ADGRD1: variants seen among roughly 807,000 people sequenced by gnomAD.
The protein encoded by ADGRD1 is G-protein coupled receptor 133.
In ADGRD1, 77 loss-of-function variants were observed where a neutral mutation model predicts 113.4. The ratio of observed to expected loss-of-function variants is 0.68; its 90% CI spans 0.57 to 0.82. ADGRD1 has a LOEUF of 0.82. Ranked by LOEUF, ADGRD1 falls within the 40% of genes least tolerant of loss-of-function variation. The pLI is 0.00. For missense variants in ADGRD1, 1,036 were observed against 1,139.1 expected (o/e 0.91, Z 1.30); for synonymous variants, 474 against 475.0 (o/e 1.00, Z 0.03).
chr12:131,106,677 G>A (rs902455299), intron 17 of ADGRD1, among the ~76,000 whole-genome samples: 1 of 152,144 alleles, frequency 6.6e-6, no homozygotes, highest in African/African-American at 2.4e-5. Flanking sequence ...CCTCCTCACT[G>A]CCCAGCAGAG....
At chr12:131,092,437 T>C (rs1273267779) in intron 15 of ADGRD1, among the ~76,000 whole-genome samples, 3 of 152,160 alleles carry the variant, frequency 2.0e-5, no homozygotes, top group Admixed American at 6.5e-5. Context: ...GCCCCCGATA[T>C]TGATAGACAG....
chr12:130,994,719 A>G (rs972451816), intron 8 of ADGRD1, among the ~76,000 whole-genome samples: 1 of 152,234 alleles, frequency 6.6e-6, no homozygotes, highest in Admixed American at 6.5e-5. Context: ...CCACAGTTGC[A>G]TGCTCATGAG....
At chr12:131,018,344 G>A (rs1034958266) in intron 13 of ADGRD1, among the ~76,000 whole-genome samples, 1 of 152,136 alleles carries the variant, frequency 6.6e-6, no homozygotes, top group Non-Finnish European at 1.5e-5. Flanking sequence ...GAGGGGCATC[G>A]GCTCGGGTTT....
intron 21 of ADGRD1, among the ~76,000 whole-genome samples, chr12:131,134,381 G>A (rs965980012): frequency 1.3e-5 from 2 of 152,220 alleles, no homozygotes; most frequent in East Asian, 3.8e-4. Context: ...AGTCCGCAGA[G>A]CTTCAGCTCA....
intron 14 of ADGRD1, among the ~76,000 whole-genome samples, chr12:131,081,358 T>C (rs1042411924): frequency 6.6e-6 from 1 of 152,244 alleles, no homozygotes; most frequent in African/African-American, 2.4e-5. Context: ...TTTAAAATGT[T>C]GTCTTTTTCT....
chr12:131,130,081 G>T (rs1480586350), intron 20 of ADGRD1, among the ~76,000 whole-genome samples: 2 of 152,244 alleles, frequency 1.3e-5, no homozygotes, highest in South Asian at 2.1e-4. Flanking sequence ...CGCTGCTCCC[G>T]CTTGCTGCTC....
rs1190177994 is a variant in ADGRD1 at position 131,084,841 on chromosome 12, T to C, written c.1671+178T>C. 6.6e-6 allele frequency among the ~76,000 whole-genome samples: 1 copy of C among 152,182 alleles called. No homozygotes were observed. Among genetic ancestry groups the C allele is most frequent in the African/African-American group, 2.4e-5 (1 of 41,440 alleles). On this transcript the variant is annotated intron_variant, in intron 15 of 24. Coordinates refer to ENST00000261654, the MANE Select transcript of ADGRD1 (RefSeq NM_198827.5). This position sits in a 1 kb window ranked among gnomAD's most constrained non-coding sequence, Gnocchi z 4.5. The stretch of plus-strand genomic sequence containing the variant: ...CTTCTGTAGTCCAGGGTCCTGCATG[T>C]ATTGGGTGCCAGCAAATATCCGAGG...
At chr12:131,095,672 A>G (rs1887230324) in intron 15 of ADGRD1, among the ~76,000 whole-genome samples, 1 of 152,218 alleles carries the variant, frequency 6.6e-6, no homozygotes, top group African/African-American at 2.4e-5. Context: ...TTTGCGGGGC[A>G]GCTGTGGGCT....
chr12:130,976,056 G>A (rs1872266328), intron 4 of ADGRD1, among the ~76,000 whole-genome samples: 1 of 152,180 alleles, frequency 6.6e-6, no homozygotes, highest in Non-Finnish European at 1.5e-5. Context: ...GAGCATCTCC[G>A]CACGGCCATT....
chr12:130,969,423 G>C, intron 3 of ADGRD1: 1 of 209,226 alleles, frequency 4.8e-6, no homozygotes, highest in South Asian at 8.2e-5. Flanking sequence ...TACCGCCCGA[G>C]CTCCACCTCC....
At chr12:131,077,856 C>A (rs1451407891) in intron 14 of ADGRD1, among the ~76,000 whole-genome samples, 1 of 152,232 alleles carries the variant, frequency 6.6e-6, no homozygotes, top group Non-Finnish European at 1.5e-5. Flanking sequence ...TTCCGCCTCT[C>A]AAAGTGCCTC....
chr12:130,971,798 TACAG>T lies in ADGRD1; in HGVS notation c.310+220_310+223del, dbSNP rs1487649579. Among the ~76,000 whole-genome samples, 2 of 152,136 alleles carry T rather than the reference TACAG, an allele frequency of 1.3e-5. No homozygotes were observed. The highest frequency in any genetic ancestry group is 2.9e-5 in the Non-Finnish European group (2 of 68,040). On this transcript the variant is annotated intron_variant, in intron 4 of 24. Transcript: ENST00000261654. This position sits in a 1 kb window ranked among gnomAD's most constrained non-coding sequence, Gnocchi z 4.2. ...GTGGCTGGAAGTTATAACATCCTCT[TACAG>T]AGATGTGAGATCAAAATACTTAATC...
chr12:131,000,235 C>G (rs762090464), intron 8 of ADGRD1, 148 bp from the exon 9 acceptor site: 40 of 655,726 alleles, frequency 6.1e-5, no homozygotes, highest in Non-Finnish European at 1.1e-4. Context: ...TCATGTGGTC[C>G]ATGACTCAGC....
At position 131,096,489 on chromosome 12, in the gene ADGRD1, G is replaced by A. The variant is rs73149905; in HGVS notation, c.1672-8342G>A. Among the ~76,000 whole-genome samples the A allele has an allele frequency of 0.044, 6,661 of 152,266 alleles. 158 individuals carry two copies. Among genetic ancestry groups the A allele is most frequent in the East Asian group, 0.08 (416 of 5,180 alleles). On this transcript the variant is annotated intron_variant, in intron 15 of 24. Transcript: ENST00000261654. This position sits in a 1 kb window ranked among gnomAD's most constrained non-coding sequence, Gnocchi z 5.2. ...CAGGGTACACAGAGCCACATCTCCC[G>A]TGTTAACCACTGCATAGCTCTCCCG...
At chr12:130,985,381 A>C (rs1405942024) in intron 5 of ADGRD1, among the ~76,000 whole-genome samples, 1 of 152,128 alleles carries the variant, frequency 6.6e-6, no homozygotes, top group Non-Finnish European at 1.5e-5. Context: ...CAGCTTGTCA[A>C]TTATTTCTTT....
intron 17 of ADGRD1, among the ~76,000 whole-genome samples, chr12:131,107,082 C>A (rs1301378253): frequency 6.6e-6 from 1 of 152,210 alleles, no homozygotes; most frequent in Non-Finnish European, 1.5e-5. Flanking sequence ...TCTATAATCC[C>A]AGCTGGTGGC....
chr12:130,985,844 G>A (rs1254274032), intron 5 of ADGRD1, among the ~76,000 whole-genome samples: 4 of 152,176 alleles, frequency 2.6e-5, no homozygotes, highest in East Asian at 1.9e-4. Context: ...GAGCCACTGC[G>A]TCCGGCCAAG....
intron 15 of ADGRD1, among the ~76,000 whole-genome samples, chr12:131,093,964 A>G (rs1043715606): frequency 1.1e-4 from 16 of 140,334 alleles, no homozygotes; most frequent in African/African-American, 4.1e-4. Context: ...CAGCCTCAGC[A>G]CCCAGCCCTG....
At position 131,084,400 on chromosome 12, in the gene ADGRD1, G is replaced by T; in HGVS notation, c.1548-140G>T. ...CCTCCCAACCCCCACACCACGGTCT[G>T]GGTGTGCATTCCTGGCGTGGCAGGT... On this transcript the variant is annotated intron_variant, in intron 14 of 24. Coordinates refer to ENST00000261654, the MANE Select transcript of ADGRD1 (RefSeq NM_198827.5). This position sits in a 1 kb window ranked among gnomAD's most constrained non-coding sequence, Gnocchi z 4.5. 1 of 819,928 alleles carries T rather than the reference G, an allele frequency of 1.2e-6. No individual in the cohort carries two copies. The allele number at this position is 819,928 out of a possible 1,614,324, so 50.8% of individuals were successfully genotyped here. A position where few individuals can be genotyped will look rare whatever the true frequency, so the allele number is the denominator to read the frequency against.
Sources: allele counts gnomAD v4.1 joint callset (sites outside exome capture counted in the v4.1 genomes callset), GRCh38; gene constraint gnomAD v4.1.1; non-coding constraint Gnocchi (gnomAD v3.1); transcripts MANE v1.5; gene names NCBI Gene and HGNC (gene_info 2026-07-23, HGNC 2026-07-21).